LRRIQ3: variants seen among roughly 807,000 people sequenced by gnomAD.
LRRIQ3 encodes leucine-rich repeat and IQ domain-containing protein 3.
A neutral mutation model predicts 59.3 loss-of-function variants in LRRIQ3; 75 were observed. That is an observed-to-expected ratio of 1.26 (90% CI 1.05 to 1.53). The LOEUF (loss-of-function observed/expected upper bound fraction) is 1.53, where lower values mean the gene tolerates loss of function less well. Ranked by LOEUF, LRRIQ3 falls within the 40% of genes most tolerant of loss-of-function variation. LRRIQ3 has a pLI of 0.00. For synonymous variants in LRRIQ3, 250 were observed against 231.3 expected (o/e 1.08, Z -0.73); for missense variants, 831 against 710.0 (o/e 1.17, Z -1.94).
chr1:74,070,173 T>G (rs1432914032), intron 6 of LRRIQ3, among the ~76,000 whole-genome samples: 1 of 152,026 alleles, frequency 6.6e-6, no homozygotes, highest in Non-Finnish European at 1.5e-5. Flanking sequence ...TAAAGACACA[T>G]GCACACATGT....
At chr1:74,090,843 A>G (rs979458638) in intron 5 of LRRIQ3, among the ~76,000 whole-genome samples, 1 of 152,080 alleles carries the variant, frequency 6.6e-6, no homozygotes, top group African/African-American at 2.4e-5. Context: ...GGAGTGAGCC[A>G]TGAATGTGTT....
intron 5 of LRRIQ3, among the ~76,000 whole-genome samples, chr1:74,075,226 A>C (rs1646191571): frequency 6.6e-6 from 1 of 152,136 alleles, no homozygotes; most frequent in Non-Finnish European, 1.5e-5. Flanking sequence ...GGACAATAAC[A>C]GGAAGAAAGG....
At chr1:74,084,265 A>C in intron 5 of LRRIQ3, 1 of 1,510,312 alleles carries the variant, frequency 6.6e-7, no homozygotes, top group Non-Finnish European at 9.0e-7. Flanking sequence ...AAATCAGTTA[A>C]ACTCTTGAGG....
intron 6 of LRRIQ3, among the ~76,000 whole-genome samples, chr1:74,071,020 CATAT>C (rs34448621): frequency 1.8e-4 from 27 of 147,914 alleles, no homozygotes; most frequent in Admixed American, 6.8e-4. Flanking sequence ...GCTATATATA[CATAT>C]ATATATATAC....
Position 74,109,483 on chromosome 1 carries a change from T to C in LRRIQ3, c.778A>G (p.Ile260Val). ...AGCTTATCTTCATACCCTTTGGTTA[T>C]GTAAATCCATTTTGCTTCATATCCT... Reference protein sequence around the residue: ...IRGYEAKWIYITKGYEDKLLK... With the variant: ...IRGYEAKWIYVTKGYEDKLLK... The change falls in exon 5 of 8, where the codon ATA becomes GTA. Residue 260 changes from isoleucine to valine, a missense_variant. Physicochemically the swap from Ile to Val is conservative, Grantham distance 29. Transcript: ENST00000354431. 1 of 1,573,378 alleles carries C rather than the reference T, an allele frequency of 6.4e-7. No homozygotes were observed. The highest frequency in any genetic ancestry group is 8.6e-7 in the Non-Finnish European group (1 of 1,163,632).
At chr1:74,165,042 C>T (rs1648889359) in intron 3 of LRRIQ3, among the ~76,000 whole-genome samples, 1 of 151,444 alleles carries the variant, frequency 6.6e-6, no homozygotes, top group Non-Finnish European at 1.5e-5. Context: ...GTTATCAATA[C>T]CACCACAGTC....
At chr1:74,196,090 T>G (rs1212602686) in intron 1 of LRRIQ3, among the ~76,000 whole-genome samples, 1 of 152,052 alleles carries the variant, frequency 6.6e-6, no homozygotes, top group East Asian at 1.9e-4. Context: ...TATATTTATT[T>G]CCAGCAAATT....
At chr1:74,132,963 C>CTGACAAA (rs1161678173) in intron 4 of LRRIQ3, among the ~76,000 whole-genome samples, 1 of 152,066 alleles carries the variant, frequency 6.6e-6, no homozygotes, top group Non-Finnish European at 1.5e-5. Context: ...GCAATCTACT[C>CTGACAAA]ATCTGACAAT....
At chr1:74,146,467 C>T (rs576789576) in intron 4 of LRRIQ3, among the ~76,000 whole-genome samples, 1 of 151,910 alleles carries the variant, frequency 6.6e-6, no homozygotes, top group Non-Finnish European at 1.5e-5. Flanking sequence ...ATGGTAGGCA[C>T]TCAATAAATA....
At chr1:74,171,374 C>G (rs900398710) in intron 3 of LRRIQ3, among the ~76,000 whole-genome samples, 1 of 152,030 alleles carries the variant, frequency 6.6e-6, no homozygotes, top group Non-Finnish European at 1.5e-5. Context: ...GAATTTTTGT[C>G]AAATGTTTTT....
At chr1:74,052,953 T>A (rs1335889002) in intron 6 of LRRIQ3, among the ~76,000 whole-genome samples, 1 of 152,172 alleles carries the variant, frequency 6.6e-6, no homozygotes, top group African/African-American at 2.4e-5. Context: ...ACAATTCATA[T>A]GCCAAAGAAT....
At chr1:74,176,153 A>C (rs996358569) in intron 3 of LRRIQ3, among the ~76,000 whole-genome samples, 9 of 152,114 alleles carry the variant, frequency 5.9e-5, no homozygotes, top group African/African-American at 2.2e-4. Context: ...GAGGTATGCT[A>C]GTAATAGATT....
chr1:74,164,339 T>C (rs1476895381), intron 3 of LRRIQ3, among the ~76,000 whole-genome samples: 1 of 151,372 alleles, frequency 6.6e-6, no homozygotes, highest in Non-Finnish European at 1.5e-5. Context: ...TCTAATACAA[T>C]ATGACTGGTG....
At chr1:74,103,911 C>T (rs1463592670) in intron 5 of LRRIQ3, among the ~76,000 whole-genome samples, 1 of 151,856 alleles carries the variant, frequency 6.6e-6, no homozygotes, top group Non-Finnish European at 1.5e-5. Context: ...CTCTGTTCTG[C>T]AACACTCTAG....
chr1:74,123,722 G>C (rs1391828286), intron 4 of LRRIQ3, among the ~76,000 whole-genome samples: 1 of 151,892 alleles, frequency 6.6e-6, no homozygotes, highest in Non-Finnish European at 1.5e-5. Flanking sequence ...TGGACACTTA[G>C]GTTACTTTCA....
intron 5 of LRRIQ3, chr1:74,083,183 C>T (rs1646291516): frequency 6.6e-6 from 1 of 151,650 alleles, no homozygotes; most frequent in African/African-American, 2.4e-5. Context: ...ATCACTCACC[C>T]AAGGTAGGCA....
chr1:74,132,443 C>A (rs1261669618), intron 4 of LRRIQ3, among the ~76,000 whole-genome samples: 3 of 152,128 alleles, frequency 2.0e-5, no homozygotes, highest in African/African-American at 7.2e-5. Flanking sequence ...CTGGAGGCGT[C>A]GTGCTACCTG....
rs112273057 is a variant in LRRIQ3 at position 74,057,194 on chromosome 1, C to T, written c.998-15261G>A. On this transcript the variant is annotated intron_variant, in intron 6 of 7. Coordinates refer to ENST00000354431, the MANE Select transcript of LRRIQ3 (RefSeq NM_001105659.2). ...ATTGCTATTCCTATCAAAATACTAA[C>T]GACATTCTTCACAGAAATAGAAAAA... 2.9e-3 allele frequency among the ~76,000 whole-genome samples: 444 copies of T among 152,112 alleles called. 3 individuals are homozygous for T. The highest frequency in any genetic ancestry group is 0.011 in the South Asian group (52 of 4,816).
chr1:74,074,718 A>ATAG lies in LRRIQ3; in HGVS notation c.939_940insCTA (p.Leu314dup). ...TTCATGCCTAGATCTTTTGGTTTTA[A>ATAG]TTCACATAAAATAGATGACACATGT... On this transcript the variant is annotated inframe_insertion, in exon 6 of 8. Transcript: ENST00000354431. The ATAG allele has an allele frequency of 1.4e-6, 2 of 1,463,934 alleles. No individual in the cohort carries two copies. The allele number at this position is 1,463,934 out of a possible 1,614,324, so 90.7% of individuals were successfully genotyped here. A position where few individuals can be genotyped will look rare whatever the true frequency, so the allele number is the denominator to read the frequency against.
Sources: gnomAD v4.1 joint callset for allele counts (sites outside exome capture counted in the v4.1 genomes callset) on GRCh38, gnomAD v4.1.1 for gene constraint, MANE v1.5 for transcripts, NCBI Gene and HGNC (gene_info 2026-07-23, HGNC 2026-07-21) for gene names.